Variants in MCOLN3 observed in about 807,000 individuals in gnomAD.
MCOLN3 encodes mucolipin TRP cation channel 3, also known as mucolipin-3.
Under a neutral mutation model 69.4 loss-of-function variants are expected in MCOLN3, and 62 were observed. That is an observed-to-expected ratio of 0.89 (90% confidence interval 0.73 to 1.10). MCOLN3 has a LOEUF of 1.10. Among genes scored for constraint, MCOLN3 ranks in the 50% least tolerant of loss-of-function variants. The probability of loss-of-function intolerance (pLI) is 0.00; values close to 1 mark genes in which losing one functional copy is unlikely to be tolerated. For synonymous variants in MCOLN3, 183 were observed against 217.0 expected (o/e 0.84, Z 1.38); for missense variants, 564 against 656.4 (o/e 0.86, Z 1.54).
chr1:85,019,666 G>A (rs560321215), intron 12 of MCOLN3, among the ~76,000 whole-genome samples: 1 of 152,324 alleles, frequency 6.6e-6, no homozygotes, highest in Non-Finnish European at 1.5e-5. Context: ...AAGAAGCCCA[G>A]TGGATCTAAA....
chr1:85,041,212 A>C, intron 2 of MCOLN3, 35 bp from the exon 3 acceptor site: 3 of 1,575,504 alleles, frequency 1.9e-6, no homozygotes, highest in Non-Finnish European at 2.6e-6. Context: ...AAGAGGGTGG[A>C]AAATGTGGGC....
chr1:85,048,201 G>C (rs1653486749), intron 1 of MCOLN3, among the ~76,000 whole-genome samples, 195 bp downstream of exon 1: 1 of 151,842 alleles, frequency 6.6e-6, no homozygotes, highest in Non-Finnish European at 1.5e-5. Flanking sequence ...CGGGCGGCTT[G>C]GGGGCGGCGC....
chr1:85,043,018 C>T (rs939128041), intron 2 of MCOLN3, among the ~76,000 whole-genome samples: 3 of 152,172 alleles, frequency 2.0e-5, no homozygotes, highest in Non-Finnish European at 4.4e-5. Flanking sequence ...GTTCAGTTTT[C>T]CCTTGACCAC....
intron 3 of MCOLN3, among the ~76,000 whole-genome samples, chr1:85,040,605 C>T (rs568329993): frequency 4.6e-5 from 7 of 152,094 alleles, no homozygotes; most frequent in African/African-American, 1.7e-4. Context: ...ATTTTTAGGT[C>T]TTGGTTGCTG....
At chr1:85,036,921 A>T (rs1477103949) in intron 3 of MCOLN3, 1 of 152,214 alleles carries the variant, frequency 6.6e-6, no homozygotes, top group Non-Finnish European at 1.5e-5. Flanking sequence ...CCCCCATTAG[A>T]ATGCAAGTTC....
chr1:85,036,478 C>T (rs1267560655), intron 3 of MCOLN3, among the ~76,000 whole-genome samples: 5 of 152,116 alleles, frequency 3.3e-5, no homozygotes, highest in African/African-American at 9.7e-5. Context: ...CATGAGCCAC[C>T]GTACCCAACC....
intron 6 of MCOLN3, chr1:85,030,046 G>GT (rs1328787260): frequency 6.6e-6 from 1 of 152,214 alleles, no homozygotes; most frequent in African/African-American, 2.4e-5. Context: ...TTCAACCACT[G>GT]TATTTCTCCT....
At position 85,032,681 on chromosome 1, in the gene MCOLN3, C is replaced by T. The variant is rs375327777; in HGVS notation, c.732+15G>A. The T allele has an allele frequency of 6.3e-7, 1 of 1,590,614 alleles. No homozygotes were observed. The highest frequency in any genetic ancestry group is 1.3e-5 in the African/African-American group (1 of 74,508). ...TCTCCAGACTGGAACCAAATTCAGC[C>T]TGGCCCACACTTACAGTCAGAGTAA... On this transcript the variant is annotated intron_variant, in intron 6 of 12. Transcript: ENST00000370589.
In MCOLN3 at chr1:85,026,002, C is replaced by T; in HGVS notation, c.1032G>A (p.Met344Ile). Residue 344 changes from methionine to isoleucine, a missense_variant, in exon 9 of 13, where the codon ATG (methionine) becomes ATA (isoleucine). By Grantham distance (10) the Met-to-Ile change is conservative. Coordinates refer to ENST00000370589, the MANE Select transcript of MCOLN3 (RefSeq NM_018298.11). The stretch of plus-strand genomic sequence containing the variant: ...TTGTCAATATGTCACTAATAATAAT[C>T]ATAATGTACCATCCATTGACAAATT... ...QMEFVNGWYIMIIISDILTII... is the reference protein window; with the variant it reads ...QMEFVNGWYIIIIISDILTII... 6.3e-7 allele frequency: 1 copy of T among 1,597,866 alleles called. No homozygotes were observed. Among genetic ancestry groups the T allele is most frequent in the South Asian group, 1.1e-5 (1 of 88,362 alleles).
chr1:85,022,628 A>C (rs1652003219), intron 9 of MCOLN3: 1 of 384,506 alleles, frequency 2.6e-6, no homozygotes, highest in Non-Finnish European at 4.7e-6. Flanking sequence ...ATTGCTGAAG[A>C]GAAAATTCAG....
At chr1:85,026,437 G>T (rs560964859) in intron 7 of MCOLN3, among the ~76,000 whole-genome samples, 153 bp from the exon 8 acceptor site, 22 of 152,262 alleles carry the variant, frequency 1.4e-4, no homozygotes, top group African/African-American at 4.8e-4. Context: ...ATTTGAAGAA[G>T]GGCAAAAGTC....
Position 85,034,149 on chromosome 1 carries a change from T to C in MCOLN3, c.499A>G (p.Asn167Asp), listed in dbSNP as rs191841262. ...AAGGTATCATTTCCAGGGTAGATGT[T>C]TCCTCGCTTGTAGAAGTGCTGACAG... ...AICQHFYKRG[N>D]IYPGNDTFDI... Residue 167 changes from asparagine (N) to aspartate (D), a missense_variant, in exon 4 of 13, where the codon AAC (asparagine) becomes GAC (aspartate). By Grantham distance (23) the Asn-to-Asp change is conservative. Coordinates refer to ENST00000370589, the MANE Select transcript of MCOLN3 (RefSeq NM_018298.11). The C allele has an allele frequency of 5.5e-5, 88 of 1,614,246 alleles. No homozygotes were observed. In the East Asian group the frequency reaches 1.8e-3, roughly 33 times the overall value.
chr1:85,038,095 G>A (rs1294989367), intron 3 of MCOLN3, among the ~76,000 whole-genome samples: 6 of 152,194 alleles, frequency 3.9e-5, no homozygotes, highest in Non-Finnish European at 7.3e-5. Flanking sequence ...ATTCCCGGAA[G>A]ACCCTGAGGC....
In MCOLN3 at chr1:85,026,290, A is replaced by G. The variant is rs748047497; in HGVS notation, c.833-6T>C. The G allele has an allele frequency of 1.6e-5, 26 of 1,588,636 alleles. No homozygotes were observed. The highest frequency in any genetic ancestry group is 2.2e-5 in the Non-Finnish European group (26 of 1,156,922). On this transcript the variant is annotated splice_region_variant and splice_polypyrimidine_tract_variant and intron_variant, in intron 7 of 12. Transcript: ENST00000370589. ...GTAATGAGTGTTCTTCTGAACTGAA[A>G]GCAAAGAGGATTACATAGTGCTTAT...
chr1:85,021,897 T>C (rs1205637393), intron 11 of MCOLN3, among the ~76,000 whole-genome samples, 173 bp downstream of exon 11: 3 of 152,178 alleles, frequency 2.0e-5, no homozygotes, highest in Non-Finnish European at 4.4e-5. Context: ...ACATCAAATA[T>C]TCTCTCAAGC....
chr1:85,024,129 A>C (rs1376667991), intron 9 of MCOLN3, among the ~76,000 whole-genome samples: 1 of 151,960 alleles, frequency 6.6e-6, no homozygotes, highest in Non-Finnish European at 1.5e-5. Context: ...ACTGCACTCC[A>C]GCCTGGGCAA....
At chr1:85,025,605 C>T (rs768291641) in intron 9 of MCOLN3, 2 of 170,088 alleles carry the variant, frequency 1.2e-5, no homozygotes, top group Non-Finnish European at 2.4e-5. Flanking sequence ...AAAAAAAAAA[C>T]TCTTACCTTA....
chr1:85,023,490 A>G (rs529477938), intron 9 of MCOLN3: 1 of 152,382 alleles, frequency 6.6e-6, no homozygotes, highest in African/African-American at 2.4e-5. Context: ...AACTGATGAG[A>G]GTTACCATTA....
chr1:85,044,860 G>C (rs1653258421), intron 2 of MCOLN3, among the ~76,000 whole-genome samples: 1 of 152,142 alleles, frequency 6.6e-6, no homozygotes, highest in South Asian at 2.1e-4. Flanking sequence ...TTCATTGGAA[G>C]CCAAATATTA....
Sources: allele counts gnomAD v4.1 joint callset (sites outside exome capture counted in the v4.1 genomes callset), GRCh38; gene constraint gnomAD v4.1.1; transcripts MANE v1.5; gene names NCBI Gene and HGNC (gene_info 2026-07-23, HGNC 2026-07-21).